The following PSMD1 variants were observed in gnomAD, a reference collection of about 807,000 sequenced individuals.
The protein encoded by PSMD1 is 26S proteasome non-ATPase regulatory subunit 1.
In PSMD1, 18 loss-of-function variants were observed where a neutral mutation model predicts 119.0. The observed-to-expected ratio is 0.15, with a 90% confidence interval of 0.10 to 0.22. The LOEUF (loss-of-function observed/expected upper bound fraction) is 0.22. PSMD1 is among the 10% of genes least tolerant of loss of function. The probability of loss-of-function intolerance (pLI) is 1.00; values close to 1 mark genes in which losing one functional copy is unlikely to be tolerated. For synonymous variants in PSMD1, 374 were observed against 396.6 expected (o/e 0.94, Z 0.68); for missense variants, 702 against 1,158.5 (o/e 0.61, Z 5.72).
At chr2:231,089,708 A>G (rs921341311) in intron 16 of PSMD1, among the ~76,000 whole-genome samples, 1 of 152,144 alleles carries the variant, frequency 6.6e-6, no homozygotes, top group Non-Finnish European at 1.5e-5. Context: ...TTGAGTCTCA[A>G]AACTGAAGAA....
intron 17 of PSMD1, among the ~76,000 whole-genome samples, chr2:231,144,202 G>T (rs1024628659): frequency 4.6e-5 from 7 of 151,146 alleles, no homozygotes; most frequent in Non-Finnish European, 1.0e-4. Context: ...GATTACAGGC[G>T]TGAGCCATCG....
chr2:231,105,379 A>C (rs1694952172), intron 16 of PSMD1, among the ~76,000 whole-genome samples: 2 of 152,194 alleles, frequency 1.3e-5, no homozygotes, highest in Admixed American at 1.3e-4. Context: ...CAACTTATGC[A>C]GTACTGTTCA....
intron 10 of PSMD1, among the ~76,000 whole-genome samples, 192 bp downstream of exon 10, chr2:231,078,939 C>T (rs1302183323): frequency 6.6e-6 from 1 of 151,884 alleles, no homozygotes. Flanking sequence ...GGATTACAGG[C>T]GCACGCCACT....
At chr2:231,136,450 T>A (rs907880545) in intron 16 of PSMD1, among the ~76,000 whole-genome samples, 1 of 152,260 alleles carries the variant, frequency 6.6e-6, no homozygotes, top group Non-Finnish European at 1.5e-5. Context: ...GCCAATAGTT[T>A]ATGAATTTTA....
intron 16 of PSMD1, chr2:231,109,341 C>G (rs61731725): frequency 2.5e-6 from 4 of 1,613,896 alleles, no homozygotes; most frequent in East Asian, 4.5e-5. Flanking sequence ...TTTGTCAGCA[C>G]ACAAGTGATA....
At chr2:231,098,971 A>G (rs1317519088) in intron 16 of PSMD1, among the ~76,000 whole-genome samples, 2 of 152,148 alleles carry the variant, frequency 1.3e-5, no homozygotes, top group East Asian at 3.9e-4. Context: ...ACATTGTTCT[A>G]CTTCACACTG....
intron 19 of PSMD1, 91 bp from the exon 20 acceptor site, chr2:231,161,249 A>AAAG: frequency 2.3e-6 from 3 of 1,304,360 alleles, no homozygotes; most frequent in South Asian, 1.5e-5. Flanking sequence ...AAAAAAAAAA[A>AAAG]AAAGAAAGAA....
At chr2:231,062,803 A>G (rs903550311) in intron 4 of PSMD1, 128 bp downstream of exon 4, 4 of 802,642 alleles carry the variant, frequency 5.0e-6, no homozygotes, top group South Asian at 3.7e-5. Context: ...TAATCTTTCT[A>G]TAATAATTTT....
Position 231,059,493 on chromosome 2 carries a change from G to A in PSMD1, c.17-1774G>A, listed in dbSNP as rs184692575. ...AGAGGTTTGACTATGCAGGGGAATGGAGAGAGAGAGAGAGGTGCTTCCAGG... is the reference window on the plus strand; with the variant it reads ...AGAGGTTTGACTATGCAGGGGAATGAAGAGAGAGAGAGAGGTGCTTCCAGG... On this transcript the variant is annotated intron_variant, in intron 1 of 24. Coordinates refer to ENST00000308696, the MANE Select transcript of PSMD1 (RefSeq NM_002807.4). Among the ~76,000 whole-genome samples, 812 of 151,336 alleles carry A rather than the reference G, an allele frequency of 5.4e-3. 58 individuals carry two copies. The South Asian group carries it at 0.14, about 27-fold the overall frequency.
chr2:231,146,630 GAACTCTTTTT>G (rs1696259532), intron 18 of PSMD1, among the ~76,000 whole-genome samples: 1 of 152,132 alleles, frequency 6.6e-6, no homozygotes, highest in African/African-American at 2.4e-5. Flanking sequence ...ACCGTAAAAT[GAACTCTTTTT>G]TTGCCTTTCA....
chr2:231,113,584 T>G, intron 16 of PSMD1: 1 of 771,168 alleles, frequency 1.3e-6, no homozygotes, highest in South Asian at 1.4e-5. Flanking sequence ...ATAAATGCAG[T>G]GACATAAGGA....
chr2:231,065,916 C>T (rs1162707812), intron 4 of PSMD1, among the ~76,000 whole-genome samples: 1 of 152,200 alleles, frequency 6.6e-6, no homozygotes, highest in Non-Finnish European at 1.5e-5. Flanking sequence ...TAATGACAGA[C>T]TGCATAGACA....
At chr2:231,064,191 T>A (rs1693836782) in intron 4 of PSMD1, among the ~76,000 whole-genome samples, 2 of 152,338 alleles carry the variant, frequency 1.3e-5, no homozygotes, top group South Asian at 4.1e-4. Flanking sequence ...GGGTTCACCC[T>A]TCCTCTAGTT....
chr2:231,109,045 G>A (rs749418415), intron 16 of PSMD1: 1 of 1,614,204 alleles, frequency 6.2e-7, no homozygotes, highest in Non-Finnish European at 8.5e-7. Context: ...TCCCAATTGT[G>A]GATGTTCTTC....
intron 23 of PSMD1, among the ~76,000 whole-genome samples, chr2:231,168,084 C>T (rs1696829196): frequency 6.6e-6 from 1 of 152,082 alleles, no homozygotes; most frequent in Non-Finnish European, 1.5e-5. Context: ...TAGCAAGATC[C>T]CATCTCTTAA....
chr2:231,146,302 A>G lies in PSMD1; in HGVS notation c.2061A>G (p.Ala687=). Reference sequence around the variant, plus strand: ...CCGTGAACTACGTGAGGCAAGGGGCACTCATAGCTTCAGCTCTCATCATGA... The same window carrying G: ...CCGTGAACTACGTGAGGCAAGGGGCGCTCATAGCTTCAGCTCTCATCATGA... ...NDPVNYVRQG[A]LIASALIMIQ... The change falls in exon 18 of 25, where the codon GCA becomes GCG. Residue 687 remains alanine (A), a synonymous_variant. Coordinates refer to ENST00000308696, the MANE Select transcript of PSMD1 (RefSeq NM_002807.4). 1.2e-6 allele frequency: 2 copies of G among 1,613,972 alleles called. No individual in the cohort carries two copies. The highest frequency in any genetic ancestry group is 1.1e-5 in the South Asian group (1 of 91,074).
At chr2:231,117,412 A>G (rs1165593253) in intron 16 of PSMD1, among the ~76,000 whole-genome samples, 3 of 152,084 alleles carry the variant, frequency 2.0e-5, no homozygotes, top group Admixed American at 2.0e-4. Flanking sequence ...CTTCAACTAA[A>G]TTACTGTTAT....
intron 8 of PSMD1, among the ~76,000 whole-genome samples, chr2:231,076,408 T>G (rs191371541): frequency 5.3e-5 from 8 of 152,336 alleles, no homozygotes; most frequent in Non-Finnish European, 1.2e-4. Context: ...GGTTCATGCA[T>G]GTAATCCCAG....
At chr2:231,082,256 G>A (rs545057989) in intron 12 of PSMD1, among the ~76,000 whole-genome samples, 4 of 152,068 alleles carry the variant, frequency 2.6e-5, no homozygotes, top group East Asian at 3.9e-4. Context: ...TGTACAGACC[G>A]AGTCTCCCTA....
Sources: gnomAD v4.1 joint callset for allele counts (sites outside exome capture counted in the v4.1 genomes callset) on GRCh38, gnomAD v4.1.1 for gene constraint, MANE v1.5 for transcripts, NCBI Gene and HGNC (gene_info 2026-07-23, HGNC 2026-07-21) for gene names.